The following CFAP299 variants were observed in gnomAD, a reference collection of about 807,000 sequenced individuals.
CFAP299 encodes cilia- and flagella-associated protein 299.
Under a neutral mutation model 27.0 loss-of-function variants are expected in CFAP299, and 21 were observed. The ratio of observed to expected loss-of-function variants is 0.78; its 90% confidence interval spans 0.55 to 1.12. CFAP299 has a LOEUF of 1.12. CFAP299 is among the 50% of genes most tolerant of loss of function. CFAP299 has a pLI of 0.00. For missense variants in CFAP299, 310 were observed against 276.6 expected (o/e 1.12, Z -0.86); for synonymous variants, 104 against 98.1 (o/e 1.06, Z -0.36).
At chr4:80,962,949 A>C (rs1738417734) in intron 5 of CFAP299, among the ~76,000 whole-genome samples, 2 of 151,984 alleles carry the variant, frequency 1.3e-5, no homozygotes. Flanking sequence ...CTAGAAGCCT[A>C]TCAGTATGGT....
intron 2 of CFAP299, among the ~76,000 whole-genome samples, chr4:80,430,347 A>G (rs896353806): frequency 6.6e-6 from 1 of 152,140 alleles, no homozygotes; most frequent in Admixed American, 6.5e-5. Context: ...GACACTGCTG[A>G]TCTATTTCTC....
intron 3 of CFAP299, among the ~76,000 whole-genome samples, chr4:80,672,398 C>A (rs1335635080): frequency 6.6e-6 from 1 of 152,092 alleles, no homozygotes; most frequent in East Asian, 1.9e-4. Flanking sequence ...CTGCTGGATT[C>A]GGTTTGCCAG....
intron 2 of CFAP299, chr4:80,388,686 C>A: frequency 1.1e-6 from 1 of 910,398 alleles, no homozygotes. Context: ...TTGTCCATTC[C>A]CTCCAGGGCC....
intron 4 of CFAP299, among the ~76,000 whole-genome samples, chr4:80,911,303 A>T (rs1419459683): frequency 1.4e-5 from 2 of 147,872 alleles, no homozygotes; most frequent in Non-Finnish European, 3.0e-5. Flanking sequence ...TTTTTCACTC[A>T]TGCCCTCCTC....
At chr4:80,884,377 A>G (rs545905937) in intron 4 of CFAP299, among the ~76,000 whole-genome samples, 89 of 152,318 alleles carry the variant, frequency 5.8e-4, no homozygotes, top group Middle Eastern at 3.4e-3. Context: ...AAACCCACAA[A>G]TAAGTGGAAT....
intron 3 of CFAP299, among the ~76,000 whole-genome samples, chr4:80,624,754 A>G (rs1358353458): frequency 1.3e-5 from 2 of 152,110 alleles, no homozygotes; most frequent in Non-Finnish European, 2.9e-5. Context: ...GAAGAAAATT[A>G]TGTATAAAAA....
At chr4:80,882,560 C>T (rs1480166783) in intron 4 of CFAP299, among the ~76,000 whole-genome samples, 1 of 151,956 alleles carries the variant, frequency 6.6e-6, no homozygotes, top group Non-Finnish European at 1.5e-5. Context: ...ATGGCGTGAA[C>T]CCGGGAGGCG....
chr4:80,955,957 T>C (rs965921391), intron 5 of CFAP299, among the ~76,000 whole-genome samples: 1 of 152,122 alleles, frequency 6.6e-6, no homozygotes, highest in African/African-American at 2.4e-5. Flanking sequence ...CTGAGATAGA[T>C]TGTGCCACTA....
At chr4:80,350,927 T>A (rs1253242352) in intron 1 of CFAP299, among the ~76,000 whole-genome samples, 1 of 152,036 alleles carries the variant, frequency 6.6e-6, no homozygotes, top group African/African-American at 2.4e-5. Flanking sequence ...TCTGCACATG[T>A]ATCCCAGAAC....
Position 80,856,091 on chromosome 4 carries a change from T to C in CFAP299, c.334-13902T>C, listed in dbSNP as rs1210861769. Among the ~76,000 whole-genome samples the C allele has an allele frequency of 3.2e-3, 492 of 151,536 alleles. 1 individual carries two copies. The highest frequency in any genetic ancestry group is 0.014 in the Middle Eastern group (4 of 290). ...CTGTTGTTTCCTGACTTTTTAATGA[T>C]TGCCATTCTAACTGGTATGAGATGA... On this transcript the variant is annotated intron_variant, in intron 3 of 5. Coordinates refer to ENST00000358105, the MANE Select transcript of CFAP299 (RefSeq NM_152770.3).
chr4:80,527,480 A>C (rs911017911), intron 2 of CFAP299, among the ~76,000 whole-genome samples: 6 of 152,246 alleles, frequency 3.9e-5, no homozygotes, highest in Non-Finnish European at 7.4e-5. Context: ...TTCATCATGT[A>C]ACTCCCCTTT....
At chr4:80,391,661 C>G (rs1226365521) in intron 2 of CFAP299, among the ~76,000 whole-genome samples, 3 of 152,102 alleles carry the variant, frequency 2.0e-5, no homozygotes, top group Non-Finnish European at 4.4e-5. Context: ...GCTGTGCTGC[C>G]AGTCATATAA....
intron 4 of CFAP299, among the ~76,000 whole-genome samples, chr4:80,930,530 C>A (rs573620909): frequency 6.6e-6 from 1 of 152,134 alleles, no homozygotes; most frequent in Non-Finnish European, 1.5e-5. Context: ...CTCACACTAT[C>A]TCCAGGTAGA....
At chr4:80,756,706 T>C (rs1725257215) in intron 3 of CFAP299, among the ~76,000 whole-genome samples, 1 of 152,186 alleles carries the variant, frequency 6.6e-6, no homozygotes, top group Non-Finnish European at 1.5e-5. Flanking sequence ...CTATAATGAC[T>C]GAGTTGAGTA....
At chr4:80,488,895 C>T (rs1254966854) in intron 2 of CFAP299, among the ~76,000 whole-genome samples, 3 of 152,192 alleles carry the variant, frequency 2.0e-5, no homozygotes, top group African/African-American at 7.2e-5. Context: ...TGTCTCCCAG[C>T]AGTATTCAGA....
At chr4:80,684,125 A>G (rs891495436) in intron 3 of CFAP299, among the ~76,000 whole-genome samples, 1 of 152,186 alleles carries the variant, frequency 6.6e-6, no homozygotes, top group African/African-American at 2.4e-5. Flanking sequence ...ATTTTTGCCA[A>G]AGCGATTATG....
intron 3 of CFAP299, among the ~76,000 whole-genome samples, chr4:80,654,915 T>C (rs1740482690): frequency 6.6e-6 from 1 of 151,776 alleles, no homozygotes. Context: ...CATACCTAGC[T>C]ATTCTAACTT....
At chr4:80,865,045 G>C (rs1170036272) in intron 3 of CFAP299, among the ~76,000 whole-genome samples, 1 of 152,072 alleles carries the variant, frequency 6.6e-6, no homozygotes, top group Non-Finnish European at 1.5e-5. Flanking sequence ...GCCAAGCTGG[G>C]TGTGAGTTTG....
chr4:80,755,817 C>A (rs1273493999), intron 3 of CFAP299, among the ~76,000 whole-genome samples: 2 of 152,116 alleles, frequency 1.3e-5, no homozygotes, highest in East Asian at 3.8e-4. Context: ...ATAAACAGCA[C>A]TGTTCCTTTC....
Sources: gnomAD v4.1 joint callset for allele counts (sites outside exome capture counted in the v4.1 genomes callset) on GRCh38, gnomAD v4.1.1 for gene constraint, MANE v1.5 for transcripts, NCBI Gene and HGNC (gene_info 2026-07-23, HGNC 2026-07-21) for gene names.